The following HLA-DQA2 variants were observed in gnomAD, a reference collection of about 807,000 sequenced individuals.
HLA-DQA2 encodes the protein HLA class II histocompatibility antigen, DQ alpha 2 chain.
A neutral mutation model predicts 21.0 loss-of-function variants in HLA-DQA2; 17 were observed. That is an observed-to-expected ratio of 0.81 (90% CI 0.56 to 1.22). HLA-DQA2 has a LOEUF of 1.22. HLA-DQA2 is among the 50% of genes most tolerant of loss of function. The pLI, the probability that HLA-DQA2 is intolerant of heterozygous loss-of-function variation, is 0.00. For missense variants in HLA-DQA2, 239 were observed against 308.8 expected (o/e 0.77, Z 1.69); for synonymous variants, 81 against 116.5 (o/e 0.70, Z 1.96).
chr6:32,743,961 C>CA (rs1225044190), intron 1 of HLA-DQA2, among the ~76,000 whole-genome samples: 2 of 148,576 alleles, frequency 1.3e-5, no homozygotes, highest in Admixed American at 6.7e-5. Context: ...AAGATAACTT[C>CA]TTTCAGGGAG....
chr6:32,744,673 T>TAA (rs9282270), intron 1 of HLA-DQA2, among the ~76,000 whole-genome samples: 10 of 89,084 alleles, frequency 1.1e-4, no homozygotes, highest in Non-Finnish European at 1.6e-4. Context: ...TTCTTTGGTT[T>TAA]AAAAAAAAAA....
At position 32,745,349 on chromosome 6, in the gene HLA-DQA2, G is replaced by A. The variant is rs199602635; in HGVS notation, c.273G>A (p.Val91=). The change falls in exon 2 of 5, where the codon GTG becomes GTA. Residue 91 remains valine, a synonymous_variant. Coordinates refer to ENST00000374940, the MANE Select transcript of HLA-DQA2 (RefSeq NM_020056.5). ...DPQSALRNMA[V]GKHTLEFMMR... ...AGAGTGCACTGAGAAATATGGCTGT[G>A]GGAAAACACACCTTGGAATTCATGA... 1.2e-3 allele frequency: 1,966 copies of A among 1,583,580 alleles called. 2 individuals are homozygous for A. Among genetic ancestry groups the A allele is most frequent in the Non-Finnish European group, 1.6e-3 (1,819 of 1,163,648 alleles).
At chr6:32,746,475 G>A (rs1037176530) in intron 4 of HLA-DQA2, 61 bp downstream of exon 4, 31 of 1,584,852 alleles carry the variant, frequency 2.0e-5, no homozygotes, top group Middle Eastern at 1.7e-4. Context: ...GTGGGAGGGG[G>A]TTGTGGACAT....
At position 32,746,042 on chromosome 6, in the gene HLA-DQA2, G is replaced by A; in HGVS notation, c.583G>A (p.Gly195Ser). Reference protein sequence around the residue: ...EIYDCKVEHWGLDEPLLKHWE... With the variant: ...EIYDCKVEHWSLDEPLLKHWE... Reference sequence around the variant, plus strand: ...TTATGACTGCAAGGTGGAGCACTGGGGCCTGGACGAGCCTCTTCTGAAACA... The same window carrying A: ...TTATGACTGCAAGGTGGAGCACTGGAGCCTGGACGAGCCTCTTCTGAAACA... Residue 195 changes from glycine (G) to serine (S), a missense_variant, in exon 3 of 5, where the codon GGC becomes AGC. Transcript: ENST00000374940. 6.2e-6 allele frequency: 10 copies of A among 1,612,678 alleles called. No individual in the cohort carries two copies. The highest frequency in any genetic ancestry group is 8.5e-6 in the Non-Finnish European group (10 of 1,179,780).
chr6:32,742,784 A>G (rs1185701539), intron 1 of HLA-DQA2, among the ~76,000 whole-genome samples: 1 of 152,048 alleles, frequency 6.6e-6, no homozygotes, highest in Non-Finnish European at 1.5e-5. Context: ...GGGACCCTCC[A>G]AACTGTAAAG....
At chr6:32,741,847 A>G (rs1380603265) in intron 1 of HLA-DQA2, among the ~76,000 whole-genome samples, 4 of 151,950 alleles carry the variant, frequency 2.6e-5, no homozygotes, top group African/African-American at 9.7e-5. Flanking sequence ...TTTTTTTGTT[A>G]TTAAAAATTT....
intron 1 of HLA-DQA2, among the ~76,000 whole-genome samples, chr6:32,743,067 G>T (rs983052991): frequency 1.3e-5 from 2 of 150,598 alleles, no homozygotes; most frequent in African/African-American, 4.9e-5. Flanking sequence ...GGGTTTCACC[G>T]TGTTAGCCAG....
At position 32,746,328 on chromosome 6, in the gene HLA-DQA2, G is replaced by A. The variant is rs1412417668; in HGVS notation, c.702G>A (p.Val234=). ...GLSVGLMGIV[V]GTVFIIQGLR... ...CTGTGGGCCTCATGGGCATTGTGGT[G>A]GGCACTGTCTTCATCATCCAAGGCC... is the stretch of plus-strand genomic sequence containing the variant. The change falls in exon 4 of 5, where the codon GTG becomes GTA. Residue 234 remains valine, a synonymous_variant. Coordinates refer to ENST00000374940, the MANE Select transcript of HLA-DQA2 (RefSeq NM_020056.5). 1.2e-6 allele frequency: 2 copies of A among 1,613,096 alleles called. No homozygotes were observed. Among genetic ancestry groups the A allele is most frequent in the Non-Finnish European group, 1.7e-6 (2 of 1,180,034 alleles).
At position 32,746,018 on chromosome 6, in the gene HLA-DQA2, T is replaced by TA. The variant is rs1763560320; in HGVS notation, c.560dup (p.Tyr187Ter). 1 of 1,612,524 alleles carries TA rather than the reference T, an allele frequency of 6.2e-7. No homozygotes were observed. The highest frequency in any genetic ancestry group is 1.1e-5 in the South Asian group (1 of 91,080). ...CTTCCTCCCTTCTGCTGATGAGATT[T>TA]ATGACTGCAAGGTGGAGCACTGGGG... Reference protein sequence around the residue: ...LTFLPSADEIYDCKVEHWGLD... With the variant: ...LTFLPSADEI The change falls in exon 3 of 5, where the codon TAT becomes TAAT. Residue 187 changes from tyrosine (Y) to a stop codon, truncating the protein, a stop_gained and frameshift_variant. Coordinates refer to ENST00000374940, the MANE Select transcript of HLA-DQA2 (RefSeq NM_020056.5). LOFTEE classifies it high-confidence loss of function.
At chr6:32,743,895 G>A (rs1341538528) in intron 1 of HLA-DQA2, among the ~76,000 whole-genome samples, 1 of 152,140 alleles carries the variant, frequency 6.6e-6, no homozygotes, top group Non-Finnish European at 1.5e-5. Flanking sequence ...CTGCAAAGTT[G>A]TTAACTAAGT....
At position 32,746,847 on chromosome 6, in the gene HLA-DQA2, A is replaced by C. The variant is rs749056852; in HGVS notation, c.*286A>C. 2 of 352,498 alleles carry C rather than the reference A, an allele frequency of 5.7e-6. No individual in the cohort carries two copies. Among genetic ancestry groups the C allele is most frequent in the Non-Finnish European group, 1.1e-5 (2 of 179,968 alleles). 21.8% of individuals were successfully genotyped at this position (352,498 alleles called of 1,614,324 possible). On this transcript the variant is annotated 3_prime_UTR_variant, in exon 5 of 5. Coordinates refer to ENST00000374940, the MANE Select transcript of HLA-DQA2 (RefSeq NM_020056.5). The stretch of plus-strand genomic sequence containing the variant: ...CACTCAGCTACCTAATTCCTCAATG[A>C]CCTTTATCTAAAATCTCCATGGAAG...
intron 1 of HLA-DQA2, among the ~76,000 whole-genome samples, chr6:32,744,031 G>T (rs1447463075): frequency 6.6e-6 from 1 of 150,958 alleles, no homozygotes; most frequent in African/African-American, 2.4e-5. Flanking sequence ...TTGGCAGATA[G>T]TTGTGAAGAA....
intron 1 of HLA-DQA2, among the ~76,000 whole-genome samples, chr6:32,742,349 C>T (rs1181280252): frequency 6.9e-6 from 1 of 144,898 alleles, no homozygotes; most frequent in Non-Finnish European, 1.5e-5. Flanking sequence ...ACTAGTTCTT[C>T]ACCTTATCTA....
rs377317282 is a variant in HLA-DQA2 at position 32,743,869 on chromosome 6, T to C, written c.83-1290T>C. On this transcript the variant is annotated intron_variant, in intron 1 of 4. Coordinates refer to ENST00000374940, the MANE Select transcript of HLA-DQA2 (RefSeq NM_020056.5). ...GGAGGTCACAACGCGGTCAAAAACA[T>C]GTTGAGAGGACTTAGCTGCAAAGTT... Among the ~76,000 whole-genome samples the C allele has an allele frequency of 3.9e-5, 6 of 152,136 alleles. No homozygotes were observed. The East Asian group carries it at 9.7e-4, about 24-fold the overall frequency.
chr6:32,746,542 G>A (rs1448915913), intron 4 of HLA-DQA2, 40 bp from the exon 5 acceptor site: 7 of 991,784 alleles, frequency 7.1e-6, no homozygotes. Context: ...CACACAGGAG[G>A]CCCCTCAGAC....
chr6:32,745,267 C>T lies in HLA-DQA2; in HGVS notation c.191C>T (p.Thr64Met), dbSNP rs79517313. The change falls in exon 2 of 5, where the codon ACG becomes ATG. Residue 64 changes from threonine to methionine, a missense_variant. Physicochemically the swap from Thr to Met is moderately conservative, Grantham distance 81. Transcript: ENST00000374940. ...GDEEFYVDLE[T>M]KETVWQLPMF... Reference sequence around the variant, plus strand: ...GAGGAGTTCTATGTGGACCTGGAGACGAAAGAGACTGTCTGGCAGTTGCCT... The same window carrying T: ...GAGGAGTTCTATGTGGACCTGGAGATGAAAGAGACTGTCTGGCAGTTGCCT... The T allele has an allele frequency of 0.013, 21,021 of 1,570,162 alleles. 802 individuals are homozygous for T. The highest frequency in any genetic ancestry group is 0.11 in the South Asian group (9,250 of 87,950).
At chr6:32,742,351 C>T (rs1434016280) in intron 1 of HLA-DQA2, among the ~76,000 whole-genome samples, 1 of 144,770 alleles carries the variant, frequency 6.9e-6, no homozygotes. Context: ...TAGTTCTTCA[C>T]CTTATCTAAT....
chr6:32,746,935 A>AACCTATGGCTAAGAATTGT lies in HLA-DQA2; in HGVS notation c.*374_*375insACCTATGGCTAAGAATTGT. On this transcript the variant is annotated 3_prime_UTR_variant, in exon 5 of 5. Coordinates refer to ENST00000374940, the MANE Select transcript of HLA-DQA2 (RefSeq NM_020056.5). ...CCATCTTTCATCTCAGGGCTGACTG[A>AACCTATGGCTAAGAATTGT]GAGCATAACTTAGAATGGGCGACTC... The AACCTATGGCTAAGAATTGT allele has an allele frequency of 1.2e-5, 4 of 324,576 alleles. No individual in the cohort carries two copies. The Middle Eastern group carries it at 2.2e-3, about 177-fold the overall frequency. 20.1% of individuals were successfully genotyped at this position (324,576 alleles called of 1,614,324 possible). A position where few individuals can be genotyped will look rare whatever the true frequency, so the allele number is the denominator to read the frequency against.
chr6:32,743,156 C>T lies in HLA-DQA2; in HGVS notation c.82+1631C>T, dbSNP rs141446522. 0.013 allele frequency among the ~76,000 whole-genome samples: 2,042 copies of T among 152,118 alleles called. 102 individuals carry two copies. In the East Asian group the frequency reaches 0.14, roughly 11 times the overall value. On this transcript the variant is annotated intron_variant, in intron 1 of 4. Coordinates refer to ENST00000374940, the MANE Select transcript of HLA-DQA2 (RefSeq NM_020056.5). Reference sequence around the variant, plus strand: ...CTGGGATTACAGGCGTGATCCACCGCGCCCGGCCTTAACTTTTAATGTAGC... The same window carrying T: ...CTGGGATTACAGGCGTGATCCACCGTGCCCGGCCTTAACTTTTAATGTAGC...
Sources: allele counts gnomAD v4.1 joint callset (sites outside exome capture counted in the v4.1 genomes callset), GRCh38; gene constraint gnomAD v4.1.1; transcripts MANE v1.5; gene names NCBI Gene and HGNC (gene_info 2026-07-23, HGNC 2026-07-21).